LDLRAD4: variants seen among roughly 807,000 people sequenced by gnomAD.
LDLRAD4 encodes low-density lipoprotein receptor class A domain-containing protein 4.
Under a neutral mutation model 17.0 loss-of-function variants are expected in LDLRAD4, and 5 were observed. The ratio of observed to expected loss-of-function variants is 0.29; its 90% confidence interval spans 0.15 to 0.62. The LOEUF is 0.62. Ranked by LOEUF, LDLRAD4 falls within the 20% of genes least tolerant of loss-of-function variation. LDLRAD4 has a pLI of 0.84. For missense variants in LDLRAD4, 340 were observed against 424.7 expected, an observed-to-expected ratio of 0.80 and a Z score of 1.75; for synonymous variants, 168 against 171.8, an observed-to-expected ratio of 0.98 and a Z score of 0.17.
chr18:13,608,070 A>G (rs1046055299), intron 3 of LDLRAD4, among the ~76,000 whole-genome samples: 3 of 152,198 alleles, frequency 2.0e-5, no homozygotes, highest in African/African-American at 7.2e-5. Context: ...CAACAGTGTA[A>G]AAGAAAAAAC....
At chr18:13,336,992 T>G (rs2082134522) in intron 1 of LDLRAD4, among the ~76,000 whole-genome samples, 1 of 152,170 alleles carries the variant, frequency 6.6e-6, no homozygotes, top group Non-Finnish European at 1.5e-5. Flanking sequence ...TACTCATCAT[T>G]GAGTGAGCTG....
intron 3 of LDLRAD4, among the ~76,000 whole-genome samples, chr18:13,553,472 A>G (rs2094454415): frequency 6.6e-6 from 1 of 152,256 alleles, no homozygotes; most frequent in South Asian, 2.1e-4. Flanking sequence ...AAATTAAATT[A>G]CAGAGTTAGA....
At chr18:13,328,046 C>A (rs551237500) in intron 1 of LDLRAD4, among the ~76,000 whole-genome samples, 4 of 152,168 alleles carry the variant, frequency 2.6e-5, no homozygotes, top group Non-Finnish European at 5.9e-5. Flanking sequence ...AGGCTCTCCT[C>A]CCTGCGGGCT....
chr18:13,594,317 C>G (rs2095064845), intron 3 of LDLRAD4, among the ~76,000 whole-genome samples: 1 of 152,066 alleles, frequency 6.6e-6, no homozygotes, highest in Admixed American at 6.6e-5. Flanking sequence ...ACTGTGGGTT[C>G]AACTTGTTCT....
intron 4 of LDLRAD4, chr18:13,642,456 G>A: frequency 8.4e-7 from 1 of 1,191,342 alleles, no homozygotes; most frequent in Admixed American, 4.5e-5. Flanking sequence ...CCTGTGGCTG[G>A]CCTGTCACCT....
intron 3 of LDLRAD4, among the ~76,000 whole-genome samples, chr18:13,528,081 C>G (rs1031528694): frequency 6.6e-6 from 1 of 152,206 alleles, no homozygotes; most frequent in Non-Finnish European, 1.5e-5. Context: ...CCTGGCCTCA[C>G]ACTTCACTGC....
chr18:13,224,135 C>T (rs1187712668), intron 1 of LDLRAD4, among the ~76,000 whole-genome samples: 3 of 152,192 alleles, frequency 2.0e-5, no homozygotes, highest in Non-Finnish European at 4.4e-5. Flanking sequence ...GCCTGTTTTA[C>T]CTGTGGCAAG....
chr18:13,452,303 G>T (rs924619162), intron 3 of LDLRAD4, among the ~76,000 whole-genome samples: 2 of 152,184 alleles, frequency 1.3e-5, no homozygotes, highest in Non-Finnish European at 2.9e-5. Context: ...TGGCAGCGGC[G>T]GCTCCTGGCC....
At chr18:13,339,298 C>CCTA (rs1460621301) in intron 1 of LDLRAD4, among the ~76,000 whole-genome samples, 2 of 151,876 alleles carry the variant, frequency 1.3e-5, no homozygotes, top group Non-Finnish European at 2.9e-5. Context: ...GCAACCTCTG[C>CCTA]CTACTGGATT....
chr18:13,348,565 G>A (rs932054456), intron 1 of LDLRAD4, among the ~76,000 whole-genome samples: 4 of 152,100 alleles, frequency 2.6e-5, no homozygotes, highest in Non-Finnish European at 5.9e-5. Context: ...GATCTCAAGC[G>A]GCGTGCTGGG....
intron 5 of LDLRAD4, among the ~76,000 whole-genome samples, chr18:13,644,271 C>A (rs2042867827): frequency 6.6e-6 from 1 of 151,950 alleles, no homozygotes; most frequent in African/African-American, 2.4e-5. Flanking sequence ...ATAACTTCTG[C>A]TTACTCAGAG....
rs565113493 is a variant in LDLRAD4 at position 13,337,714 on chromosome 18, T to C, written c.-382-49627T>C. Among the ~76,000 whole-genome samples, 4 of 133,738 alleles carry C rather than the reference T, an allele frequency of 3.0e-5. No individual in the cohort carries two copies. The South Asian group carries it at 7.3e-4, about 24-fold the overall frequency. 87.7% of individuals were successfully genotyped at this position (133,738 alleles called of 152,430 possible). On this transcript the variant is annotated intron_variant, in intron 1 of 5. Coordinates refer to ENST00000359446, the Ensembl canonical transcript of LDLRAD4. ...GAGTTCAAGACCAGCCTGGTCAACA[T>C]AGCAAAACCTTGTCTTTACAAAAAG...
chr18:13,264,996 T>C lies in LDLRAD4; in HGVS notation c.-466-13109T>C, dbSNP rs866769984. Among the ~76,000 whole-genome samples, 24 of 152,350 alleles carry C rather than the reference T, an allele frequency of 1.6e-4. No individual in the cohort carries two copies. The South Asian group carries it at 4.1e-3, about 26-fold the overall frequency. Reference sequence around the variant, plus strand: ...TCTTTTCTTTTACCTGAGTTAAAGCTGAGTTGCCCAAGCCAGAACCTGGTG... The same window carrying C: ...TCTTTTCTTTTACCTGAGTTAAAGCCGAGTTGCCCAAGCCAGAACCTGGTG... On this transcript the variant is annotated intron_variant, in intron 1 of 5. Coordinates refer to the LDLRAD4 transcript ENST00000399848.
intron 3 of LDLRAD4, among the ~76,000 whole-genome samples, chr18:13,483,622 A>G (rs1483724921): frequency 3.9e-5 from 6 of 152,156 alleles, no homozygotes; most frequent in African/African-American, 1.4e-4. Flanking sequence ...TCGGCAAGCT[A>G]GGATGTGTTT....
intron 3 of LDLRAD4, among the ~76,000 whole-genome samples, chr18:13,530,149 C>T (rs886839536): frequency 1.3e-5 from 2 of 152,184 alleles, no homozygotes; most frequent in African/African-American, 2.4e-5. Flanking sequence ...CCATGTGTCT[C>T]CAGACTCCTT....
chr18:13,589,165 C>T (rs1278507910), intron 3 of LDLRAD4, among the ~76,000 whole-genome samples: 2 of 152,162 alleles, frequency 1.3e-5, no homozygotes, highest in African/African-American at 4.8e-5. Flanking sequence ...AACTCCTGGC[C>T]TCAAGTGATC....
chr18:13,420,177 A>C (rs943951526), intron 2 of LDLRAD4: 1 of 152,252 alleles, frequency 6.6e-6, no homozygotes, highest in African/African-American at 2.4e-5. Flanking sequence ...GAGCTTCATG[A>C]AAGCATATCT....
chr18:13,273,980 G>T (rs1381873304), upstream of LDLRAD4, among the ~76,000 whole-genome samples: 1 of 151,956 alleles, frequency 6.6e-6, no homozygotes, highest in African/African-American at 2.4e-5. Context: ...ACAGGACCCT[G>T]CTGTTGGAAA....
exon 2 of LDLRAD4, chr18:13,387,400 G>A (rs916229421): frequency 2.4e-5 from 7 of 286,694 alleles, no homozygotes; most frequent in Non-Finnish European, 4.5e-5. Context: ...GTGCAGGTGC[G>A]ACCCTGCAGG....
Sources: allele counts gnomAD v4.1 joint callset (sites outside exome capture counted in the v4.1 genomes callset), GRCh38; gene constraint gnomAD v4.1.1; transcripts MANE v1.5; gene names NCBI Gene and HGNC (gene_info 2026-07-23, HGNC 2026-07-21).